PBX1: variants seen among roughly 807,000 people sequenced by gnomAD.
PBX1 encodes PBX homeobox 1, also known as pre-B-cell leukemia transcription factor 1.
A neutral mutation model predicts 53.4 loss-of-function variants in PBX1; 6 were observed. That is an observed-to-expected ratio of 0.11 (90% CI 0.06 to 0.22). PBX1 has a LOEUF of 0.22. Ranked by LOEUF, PBX1 falls within the 10% of genes least tolerant of loss-of-function variation. The pLI, the probability that PBX1 is intolerant of heterozygous loss-of-function variation, is 1.00. For synonymous variants in PBX1, 204 were observed against 212.3 expected (o/e 0.96, Z 0.34); for missense variants, 251 against 551.4 (o/e 0.46, Z 5.46).
At chr1:164,827,490 A>G (rs1343095963) in intron 8 of PBX1, among the ~76,000 whole-genome samples, 1 of 152,166 alleles carries the variant, frequency 6.6e-6, no homozygotes, top group East Asian at 1.9e-4. Flanking sequence ...ACCAGACTGT[A>G]TAGTGTTTGA....
downstream of PBX1, among the ~76,000 whole-genome samples, chr1:164,853,972 C>T (rs1379640367): frequency 6.7e-6 from 1 of 148,898 alleles, no homozygotes; most frequent in African/African-American, 2.5e-5. Context: ...CTCGTGTGAT[C>T]TCTGCTCACT....
chr1:164,734,035 T>C (rs552961669), intron 2 of PBX1, among the ~76,000 whole-genome samples: 1 of 152,348 alleles, frequency 6.6e-6, no homozygotes, highest in Non-Finnish European at 1.5e-5. Context: ...CTATGTTGTG[T>C]AAGTGTGGAT....
intron 2 of PBX1, among the ~76,000 whole-genome samples, chr1:164,624,721 A>G (rs1243336537): frequency 1.3e-5 from 2 of 152,138 alleles, no homozygotes; most frequent in Non-Finnish European, 2.9e-5. Context: ...TTCAGTTCCT[A>G]TAGGTTTTTT....
intron 2 of PBX1, among the ~76,000 whole-genome samples, chr1:164,667,769 C>T (rs551507037): frequency 6.6e-6 from 1 of 152,302 alleles, no homozygotes; most frequent in South Asian, 2.1e-4. Context: ...GAGAGCCCAG[C>T]CAGCTACCAG....
chr1:164,640,221 C>T (rs763937677), intron 2 of PBX1, among the ~76,000 whole-genome samples: 1 of 152,092 alleles, frequency 6.6e-6, no homozygotes, highest in Non-Finnish European at 1.5e-5. Flanking sequence ...ATCTTTTTTG[C>T]TCTGTTTACA....
chr1:164,574,643 G>A (rs1270215518), intron 2 of PBX1, among the ~76,000 whole-genome samples: 2 of 152,244 alleles, frequency 1.3e-5, no homozygotes, highest in East Asian at 3.9e-4. Context: ...CAATCAAGTT[G>A]AATTGCAGAA....
intron 2 of PBX1, among the ~76,000 whole-genome samples, chr1:164,648,104 C>G (rs1429114186): frequency 6.6e-6 from 1 of 152,110 alleles, no homozygotes; most frequent in East Asian, 1.9e-4. Flanking sequence ...CGTGAGCCAC[C>G]GTGCCCAGCC....
intron 2 of PBX1, among the ~76,000 whole-genome samples, chr1:164,745,917 G>C (rs1665866737): frequency 6.6e-6 from 1 of 152,152 alleles, no homozygotes; most frequent in Non-Finnish European, 1.5e-5. Context: ...TGAGTCATGT[G>C]CCTCTAGAGG....
intron 2 of PBX1, among the ~76,000 whole-genome samples, chr1:164,780,884 C>G (rs546335172): frequency 6.6e-6 from 1 of 152,084 alleles, no homozygotes; most frequent in Non-Finnish European, 1.5e-5. Context: ...TTAGTATCAC[C>G]GTTAGTATCA....
In PBX1 at chr1:164,635,594, G is replaced by A. The variant is rs139514809; in HGVS notation, c.265+72283G>A. Among the ~76,000 whole-genome samples, 1,237 of 152,266 alleles carry A rather than the reference G, an allele frequency of 8.1e-3. 35 individuals are homozygous for A. The highest frequency in any genetic ancestry group is 0.051 in the Admixed American group (786 of 15,298). ...CGCGGGCTGCGCCATTCTCCCGCTC[G>A]TCTCGCCACGCTTTTCACCCTCCAT... is the stretch of plus-strand genomic sequence containing the variant. On this transcript the variant is annotated intron_variant, in intron 2 of 8. Transcript: ENST00000420696.
intron 2 of PBX1, among the ~76,000 whole-genome samples, chr1:164,709,479 T>G (rs1663629391): frequency 6.6e-6 from 1 of 151,686 alleles, no homozygotes; most frequent in African/African-American, 2.4e-5. Context: ...CAGCGGGGGA[T>G]TCTCATGTTT....
chr1:164,875,748 C>A (rs1320754684), intron 2 of PBX1, among the ~76,000 whole-genome samples: 1 of 152,024 alleles, frequency 6.6e-6, no homozygotes, highest in Non-Finnish European at 1.5e-5. Flanking sequence ...GCTGGGCAAC[C>A]AGCCCTTTCT....
intron 2 of PBX1, among the ~76,000 whole-genome samples, chr1:164,629,144 A>G (rs1658240966): frequency 6.6e-6 from 1 of 152,070 alleles, no homozygotes; most frequent in South Asian, 2.1e-4. Context: ...TTAGACTGCC[A>G]TGTCTGTCTC....
At chr1:164,705,951 G>A (rs1190708587) in intron 2 of PBX1, among the ~76,000 whole-genome samples, 1 of 152,162 alleles carries the variant, frequency 6.6e-6, no homozygotes, top group African/African-American at 2.4e-5. Context: ...TTTGTCTAGT[G>A]GCCATAGCAT....
At chr1:164,759,045 C>T (rs1398657542) in intron 2 of PBX1, among the ~76,000 whole-genome samples, 2 of 152,210 alleles carry the variant, frequency 1.3e-5, no homozygotes, top group African/African-American at 4.8e-5. Context: ...GTGTGCTGCT[C>T]ATAATACTCT....
chr1:164,653,081 G>A (rs572363463), intron 2 of PBX1, among the ~76,000 whole-genome samples: 6 of 151,968 alleles, frequency 3.9e-5, no homozygotes, highest in African/African-American at 1.4e-4. Flanking sequence ...TGGCCAGGGT[G>A]GTCTTGAACT....
chr1:164,572,593 A>G (rs1282561505), intron 2 of PBX1, among the ~76,000 whole-genome samples: 1 of 152,194 alleles, frequency 6.6e-6, no homozygotes, highest in African/African-American at 2.4e-5. Flanking sequence ...ATCTAGTGTG[A>G]CAGAGGGAGC....
At chr1:164,824,942 C>A (rs1243076173) in intron 8 of PBX1, among the ~76,000 whole-genome samples, 1 of 152,154 alleles carries the variant, frequency 6.6e-6, no homozygotes, top group Non-Finnish European at 1.5e-5. Context: ...AATTCCTCCT[C>A]TCTCCCACAC....
chr1:164,854,019 C>T (rs1671921744), downstream of PBX1, among the ~76,000 whole-genome samples: 1 of 151,570 alleles, frequency 6.6e-6, no homozygotes, highest in South Asian at 2.1e-4. Flanking sequence ...AATTCTCCTG[C>T]CTCAGCCTCC....
Sources: gnomAD v4.1 joint callset for allele counts (sites outside exome capture counted in the v4.1 genomes callset) on GRCh38, gnomAD v4.1.1 for gene constraint, MANE v1.5 for transcripts, NCBI Gene and HGNC (gene_info 2026-07-23, HGNC 2026-07-21) for gene names.